Variants in STAT4 observed in about 807,000 individuals in gnomAD.
STAT4 encodes the protein signal transducer and activator of transcription 4.
In STAT4, 42 loss-of-function variants were observed where a neutral mutation model predicts 110.5. The observed-to-expected ratio is 0.38, with a 90% CI of 0.30 to 0.49. STAT4 has a LOEUF of 0.49. STAT4 is among the 20% of genes least tolerant of loss of function. STAT4 has a pLI of 0.95. For synonymous variants in STAT4, 284 were observed against 302.2 expected (o/e 0.94, Z 0.63); for missense variants, 632 against 887.9 (o/e 0.71, Z 3.66).
intron 7 of STAT4, 147 bp from the exon 8 acceptor site, chr2:191,065,105 G>C: frequency 2.5e-6 from 2 of 804,590 alleles, no homozygotes; most frequent in South Asian, 4.7e-5. Flanking sequence ...TATTTGCCAG[G>C]CCTTTTCAAA....
chr2:191,031,621 G>A lies in STAT4; in HGVS notation c.2045-105C>T, dbSNP rs999527107. ...AATATTAACAATGATAAGAGGAAGA[G>A]AGATAACGCAGTTGTTCGGTGATAC... is the stretch of plus-strand genomic sequence containing the variant. On this transcript the variant is annotated intron_variant, in intron 21 of 23. Coordinates refer to ENST00000392320, the MANE Select transcript of STAT4 (RefSeq NM_003151.4). The surrounding 1 kb of genome is among the most constrained non-coding windows in gnomAD (Gnocchi z 4.8). The A allele has an allele frequency of 1.7e-5, 15 of 898,130 alleles. No homozygotes were observed. In the African/African-American group the frequency reaches 2.0e-4, roughly 12 times the overall value. 55.6% of individuals were successfully genotyped at this position (898,130 alleles called of 1,614,324 possible).
chr2:191,119,034 G>A (rs1418167394), intron 3 of STAT4, among the ~76,000 whole-genome samples: 1 of 152,172 alleles, frequency 6.6e-6, no homozygotes, highest in Non-Finnish European at 1.5e-5. Flanking sequence ...CCAAAGTGCT[G>A]GGATGACAGG....
intron 3 of STAT4, among the ~76,000 whole-genome samples, chr2:191,141,045 G>A (rs938539688): frequency 3.9e-5 from 6 of 152,006 alleles, no homozygotes; most frequent in African/African-American, 1.2e-4. Context: ...AGGATGCAAA[G>A]GCATAAGAGT....
chr2:191,100,109 T>C (rs545190476), intron 3 of STAT4, among the ~76,000 whole-genome samples: 27 of 152,166 alleles, frequency 1.8e-4, no homozygotes, highest in African/African-American at 6.5e-4. Context: ...AATTAGAAAA[T>C]TAGAACTCCT....
At chr2:191,063,500 T>A (rs563280257) in intron 8 of STAT4, among the ~76,000 whole-genome samples, 3 of 152,254 alleles carry the variant, frequency 2.0e-5, no homozygotes, top group East Asian at 1.9e-4. Flanking sequence ...TATGTGGTGA[T>A]CTCACCTCAG....
chr2:191,122,368 G>GA (rs973005854), intron 3 of STAT4, among the ~76,000 whole-genome samples: 3 of 150,924 alleles, frequency 2.0e-5, no homozygotes, highest in African/African-American at 7.3e-5. Context: ...TGTTGACTAG[G>GA]AAGTAGAGCA....
In STAT4 at chr2:191,135,902, A is replaced by G. The variant is rs550222502; in HGVS notation, c.273+10711T>C. On this transcript the variant is annotated intron_variant, in intron 3 of 23. Transcript: ENST00000392320. This position sits in a 1 kb window ranked among gnomAD's most constrained non-coding sequence, Gnocchi z 4.8. ...CACTACCCTGGTACCAAAACCAGAC[A>G]AGGACACAACACAAAGAGACAACTA... Among the ~76,000 whole-genome samples, 1 of 152,278 alleles carries G rather than the reference A, an allele frequency of 6.6e-6. No homozygotes were observed. The highest frequency in any genetic ancestry group is 1.9e-4 in the East Asian group (1 of 5,186).
Position 191,113,019 on chromosome 2 carries a change from C to T in STAT4, c.273+33594G>A, listed in dbSNP as rs776658104. On this transcript the variant is annotated intron_variant, in intron 3 of 23. Coordinates refer to ENST00000392320, the MANE Select transcript of STAT4 (RefSeq NM_003151.4). This position sits in a 1 kb window ranked among gnomAD's most constrained non-coding sequence, Gnocchi z 4.8. ...TGCTGTTCTTGCCCATCTGGGAATA[C>T]TCACACGAGTAGGGCAAGTGGGCCC... 4.5e-4 allele frequency among the ~76,000 whole-genome samples: 69 copies of T among 152,218 alleles called. No homozygotes were observed. The highest frequency in any genetic ancestry group is 7.8e-4 in the Non-Finnish European group (53 of 68,034).
intron 3 of STAT4, among the ~76,000 whole-genome samples, chr2:191,108,714 G>A (rs1169598315): frequency 3.9e-5 from 6 of 152,208 alleles, no homozygotes; most frequent in African/African-American, 1.4e-4. Context: ...GAAAACAAGT[G>A]CATGCTCTGG....
intron 3 of STAT4, among the ~76,000 whole-genome samples, chr2:191,102,014 T>TC (rs1312686247): frequency 6.6e-6 from 1 of 151,982 alleles, no homozygotes; most frequent in East Asian, 1.9e-4. Context: ...CCAACCTTTT[T>TC]TTTTTTTTTG....
chr2:191,151,533 G>A, upstream of STAT4: 1 of 985,598 alleles, frequency 1.0e-6, no homozygotes, highest in Non-Finnish European at 1.2e-6. This position sits in a 1 kb window ranked among gnomAD's most constrained non-coding sequence, Gnocchi z 4.7. Context: ...GTCCTGGGTA[G>A]GCCACCAGTG....
At chr2:191,045,786 T>C (rs979124051) in intron 14 of STAT4, among the ~76,000 whole-genome samples, 9 of 152,220 alleles carry the variant, frequency 5.9e-5, no homozygotes, top group Non-Finnish European at 1.3e-4. Context: ...GATAGTTATA[T>C]TGACAAGGGT....
chr2:191,102,596 T>A (rs770898008), intron 3 of STAT4, among the ~76,000 whole-genome samples: 3 of 152,152 alleles, frequency 2.0e-5, no homozygotes, highest in South Asian at 4.1e-4. Flanking sequence ...ATCTCCAATT[T>A]CACCGTTTTT....
rs1168890528 is a variant in STAT4, at chr2:191,051,220, G to A, written c.1251+3270C>T. ...ATCTCCAGCAGAGCACTTGACAGGT[G>A]AGCAGAGAAGGAGAAAGATCAGCAG... On this transcript the variant is annotated intron_variant, in intron 14 of 23. Transcript: ENST00000392320. This position sits in a 1 kb window ranked among gnomAD's most constrained non-coding sequence, Gnocchi z 5.6. Among the ~76,000 whole-genome samples the A allele has an allele frequency of 6.6e-6, 1 of 152,222 alleles. No individual in the cohort carries two copies. Among genetic ancestry groups the A allele is most frequent in the African/African-American group, 2.4e-5 (1 of 41,450 alleles).
chr2:191,108,414 A>G (rs1698339893), intron 3 of STAT4, among the ~76,000 whole-genome samples: 1 of 152,242 alleles, frequency 6.6e-6, no homozygotes, highest in South Asian at 2.1e-4. Context: ...TTGTTCATTA[A>G]AGATGAACAT....
rs1241367785 is a variant in STAT4, at chr2:191,147,354, G to A, written c.129-597C>T. ...GGAAGAAAATTCTGATATGATACCTGTTAAACATGAATGAATTTTGAAAAC... is the reference window on the plus strand; with the variant it reads ...GGAAGAAAATTCTGATATGATACCTATTAAACATGAATGAATTTTGAAAAC... On this transcript the variant is annotated intron_variant, in intron 2 of 23. Coordinates refer to ENST00000392320, the MANE Select transcript of STAT4 (RefSeq NM_003151.4). This position sits in a 1 kb window ranked among gnomAD's most constrained non-coding sequence, Gnocchi z 4.1. 6.6e-6 allele frequency among the ~76,000 whole-genome samples: 1 copy of A among 152,124 alleles called. No homozygotes were observed. Among genetic ancestry groups the A allele is most frequent in the Non-Finnish European group, 1.5e-5 (1 of 67,998 alleles).
chr2:191,031,576 G>A lies in STAT4; in HGVS notation c.2045-60C>T, dbSNP rs1695895682. 7.1e-7 allele frequency: 1 copy of A among 1,403,854 alleles called. No individual in the cohort carries two copies. The highest frequency in any genetic ancestry group is 1.2e-5 in the South Asian group (1 of 81,888). 87.0% of individuals were successfully genotyped at this position (1,403,854 alleles called of 1,614,324 possible). On this transcript the variant is annotated intron_variant, in intron 21 of 23. Coordinates refer to ENST00000392320, the MANE Select transcript of STAT4 (RefSeq NM_003151.4). The surrounding 1 kb of genome is among the most constrained non-coding windows in gnomAD (Gnocchi z 4.8). ...AATGTCAATATTATCAATAAAACTGGGGAAAAAAGAGTCTAGAAAAATATT... is the reference window on the plus strand; with the variant it reads ...AATGTCAATATTATCAATAAAACTGAGGAAAAAAGAGTCTAGAAAAATATT...
intron 3 of STAT4, among the ~76,000 whole-genome samples, chr2:191,093,418 G>C (rs1425280714): frequency 1.3e-5 from 2 of 152,270 alleles, no homozygotes; most frequent in Admixed American, 1.3e-4. Context: ...CTGTTCTGCA[G>C]CCTCCACTGG....
intron 6 of STAT4, chr2:191,068,129 G>A (rs1376512041): frequency 1.3e-5 from 2 of 152,080 alleles, no homozygotes; most frequent in Non-Finnish European, 2.9e-5. Context: ...ACAACTGGAT[G>A]GGACAAACAA....
Sources: gnomAD v4.1 joint callset for allele counts (sites outside exome capture counted in the v4.1 genomes callset) on GRCh38, gnomAD v4.1.1 for gene constraint, Gnocchi (gnomAD v3.1) non-coding constraint, MANE v1.5 for transcripts, NCBI Gene and HGNC (gene_info 2026-07-23, HGNC 2026-07-21) for gene names.